GAS7: variants seen among roughly 807,000 people sequenced by gnomAD.
The protein encoded by GAS7 is growth arrest specific 7.
GAS7 carries 28 observed loss-of-function variants against 71.1 expected under a neutral mutation model. That is an observed-to-expected ratio of 0.39 (90% CI 0.29 to 0.54). GAS7 has a LOEUF of 0.54. Ranked by LOEUF, GAS7 falls within the 20% of genes least tolerant of loss-of-function variation. GAS7 has a pLI of 0.62. For missense variants in GAS7, 436 were observed against 627.8 expected, an observed-to-expected ratio of 0.69 and a Z score of 3.27; for synonymous variants, 258 against 245.8, an observed-to-expected ratio of 1.05 and a Z score of -0.46.
chr17:10,170,253 T>C (rs2074326413), intron 1 of GAS7, among the ~76,000 whole-genome samples: 1 of 151,352 alleles, frequency 6.6e-6, no homozygotes, highest in South Asian at 2.1e-4. Flanking sequence ...ATGGCTCCCC[T>C]GACACTCAGG....
intron 1 of GAS7, among the ~76,000 whole-genome samples, chr17:10,029,595 T>C (rs1330646724): frequency 6.6e-6 from 1 of 152,170 alleles, no homozygotes; most frequent in East Asian, 1.9e-4. Context: ...GCCTCATGCC[T>C]ATAATCCTAA....
chr17:10,177,781 T>C (rs9899278), intron 1 of GAS7, among the ~76,000 whole-genome samples: 2 of 152,172 alleles, frequency 1.3e-5, no homozygotes, highest in East Asian at 1.9e-4. Flanking sequence ...GCTGAATATA[T>C]ATATAGTCTT....
intron 1 of GAS7, among the ~76,000 whole-genome samples, chr17:10,044,034 C>T (rs1168610172): frequency 2.0e-5 from 3 of 152,190 alleles, no homozygotes; most frequent in Non-Finnish European, 4.4e-5. Flanking sequence ...AAAGATGAAA[C>T]CTTTGAAATG....
chr17:10,062,767 T>G (rs1597764889), intron 1 of GAS7, among the ~76,000 whole-genome samples: 1 of 152,214 alleles, frequency 6.6e-6, no homozygotes, highest in East Asian at 1.9e-4. Context: ...ACATCCCTAT[T>G]CTCTCCCTTT....
chr17:10,007,564 T>G (rs138386327), intron 2 of GAS7, among the ~76,000 whole-genome samples: 1,601 of 140,660 alleles, frequency 0.011, 41 homozygotes, highest in East Asian at 0.098. Context: ...AGGCAGAGGT[T>G]GCAGTGAGCT....
At chr17:10,087,575 A>G (rs28651618) in intron 1 of GAS7, among the ~76,000 whole-genome samples, 3,311 of 152,216 alleles carry the variant, frequency 0.022, 134 homozygotes, top group African/African-American at 0.075. Context: ...CAGTTTCCTC[A>G]AATGGTTTGC....
chr17:10,064,157 C>T (rs376074376), intron 1 of GAS7, among the ~76,000 whole-genome samples: 1 of 152,222 alleles, frequency 6.6e-6, no homozygotes, highest in South Asian at 2.1e-4. Flanking sequence ...CAATCCCCTA[C>T]ACCTTCTGGG....
chr17:10,053,586 C>G (rs1053577726), intron 1 of GAS7, among the ~76,000 whole-genome samples: 1 of 152,156 alleles, frequency 6.6e-6, no homozygotes, highest in Non-Finnish European at 1.5e-5. Context: ...CTCTCCAGAA[C>G]AGTTGAAGGC....
chr17:10,140,744 G>A (rs542999474), intron 1 of GAS7, among the ~76,000 whole-genome samples: 2 of 152,330 alleles, frequency 1.3e-5, no homozygotes, highest in Admixed American at 6.5e-5. Flanking sequence ...CATGGAGTGG[G>A]AGTGTCCCTA....
In GAS7 at chr17:10,076,788, A is replaced by C. The variant is rs971882058; in HGVS notation, c.184-56891T>G. On this transcript the variant is annotated intron_variant, in intron 1 of 13. Transcript: ENST00000432992. ...TCTTCCTGCATGCACCAAGCAATAG[A>C]GAATCCTGTACGAGGGCTGCCCTCC... is the stretch of plus-strand genomic sequence containing the variant. Among the ~76,000 whole-genome samples, 46 of 152,306 alleles carry C rather than the reference A, an allele frequency of 3.0e-4. No homozygotes were observed. In the Middle Eastern group the frequency reaches 0.01, roughly 34 times the overall value.
chr17:10,151,187 T>C (rs1168276241), intron 1 of GAS7, among the ~76,000 whole-genome samples: 1 of 152,116 alleles, frequency 6.6e-6, no homozygotes, highest in Non-Finnish European at 1.5e-5. Flanking sequence ...TATTTTTTTT[T>C]AGAGATGGGG....
Position 9,917,422 on chromosome 17 carries a change from A to G in GAS7, c.1318-81T>C, listed in dbSNP as rs11078821. The stretch of plus-strand genomic sequence containing the variant: ...GTCTCCTCTGAGACATGCTGTCCTC[A>G]CCTTAGTGTCTCTGAGAGCAGCCTC... On this transcript the variant is annotated intron_variant, in intron 13 of 13. Coordinates refer to ENST00000432992, the MANE Select transcript of GAS7 (RefSeq NM_201433.2). 0.51 allele frequency: 503,575 copies of G among 989,216 alleles called. 130,241 individuals carry two copies. Among genetic ancestry groups the G allele is most frequent in the Non-Finnish European group, 0.55 (343,923 of 625,912 alleles). The allele number at this position is 989,216 out of a possible 1,614,324, so 61.3% of individuals were successfully genotyped here. A position where few individuals can be genotyped will look rare whatever the true frequency, so the allele number is the denominator to read the frequency against.
At chr17:10,118,378 T>C (rs1379705775) in intron 1 of GAS7, among the ~76,000 whole-genome samples, 1 of 152,164 alleles carries the variant, frequency 6.6e-6, no homozygotes, top group African/African-American at 2.4e-5. Context: ...CTCTCCGGCC[T>C]GCCCTGGGGG....
chr17:10,029,140 G>A (rs192173233), intron 1 of GAS7, among the ~76,000 whole-genome samples: 101 of 152,280 alleles, frequency 6.6e-4, no homozygotes, highest in Non-Finnish European at 1.2e-3. Context: ...CATTTACGTG[G>A]GAAGACCAGT....
intron 2 of GAS7, among the ~76,000 whole-genome samples, chr17:10,009,997 C>T (rs1414824013): frequency 2.0e-5 from 3 of 152,098 alleles, no homozygotes; most frequent in African/African-American, 4.8e-5. Flanking sequence ...ATGCCCATTC[C>T]TCCAAATACT....
chr17:10,107,396 T>C (rs376679902), intron 1 of GAS7, among the ~76,000 whole-genome samples: 4 of 152,264 alleles, frequency 2.6e-5, no homozygotes, highest in Admixed American at 2.6e-4. Context: ...GAAACTTACA[T>C]ACAGAGTGGT....
intron 6 of GAS7, among the ~76,000 whole-genome samples, chr17:9,945,051 C>A (rs968582815): frequency 2.0e-5 from 3 of 152,138 alleles, no homozygotes; most frequent in Admixed American, 6.6e-5. Flanking sequence ...CCGGATGCTG[C>A]TGGATGCAGG....
In GAS7 at chr17:9,974,855, C is replaced by T. The variant is rs932112997; in HGVS notation, c.386-5093G>A. On this transcript the variant is annotated intron_variant, in intron 3 of 13. Coordinates refer to ENST00000432992, the MANE Select transcript of GAS7 (RefSeq NM_201433.2). The surrounding 1 kb of genome is among the most constrained non-coding windows in gnomAD (Gnocchi z 4.0). Reference sequence around the variant, plus strand: ...CCGCCACCCAGGGCTCACCCCCACCCACAGCTCGGCTTCCATATCTCAGTA... The same window carrying T: ...CCGCCACCCAGGGCTCACCCCCACCTACAGCTCGGCTTCCATATCTCAGTA... Among the ~76,000 whole-genome samples, 1 of 152,164 alleles carries T rather than the reference C, an allele frequency of 6.6e-6. No individual in the cohort carries two copies. The highest frequency in any genetic ancestry group is 1.5e-5 in the Non-Finnish European group (1 of 68,032).
At chr17:9,937,468 C>T (rs1032677074) in intron 8 of GAS7, among the ~76,000 whole-genome samples, 5 of 152,208 alleles carry the variant, frequency 3.3e-5, no homozygotes, top group South Asian at 2.1e-4. Flanking sequence ...CTATGTGCCC[C>T]CTTCCTGCCC....
Sources: allele counts gnomAD v4.1 joint callset (sites outside exome capture counted in the v4.1 genomes callset), GRCh38; gene constraint gnomAD v4.1.1; non-coding constraint Gnocchi (gnomAD v3.1); transcripts MANE v1.5; gene names NCBI Gene and HGNC (gene_info 2026-07-23, HGNC 2026-07-21).